The following SLC12A3 variants were observed in gnomAD, a reference collection of about 807,000 sequenced individuals.
The protein encoded by SLC12A3 is Na-Cl cotransporter.
SLC12A3 carries 104 observed loss-of-function variants against 121.0 expected under a neutral mutation model. The ratio of observed to expected loss-of-function variants is 0.86; its 90% CI spans 0.73 to 1.01. The LOEUF (loss-of-function observed/expected upper bound fraction) is 1.01. Among genes scored for constraint, SLC12A3 ranks in the 50% least tolerant of loss-of-function variants. SLC12A3 has a pLI of 0.00. For synonymous variants in SLC12A3, 536 were observed against 533.4 expected (o/e 1.00, Z -0.07); for missense variants, 1,328 against 1,356.3 (o/e 0.98, Z 0.33).
intron 25 of SLC12A3, chr16:56,906,885 A>G (rs1352010849): frequency 1.7e-6 from 1 of 572,532 alleles, no homozygotes; most frequent in African/African-American, 1.9e-5. Flanking sequence ...GAAGGAAGTT[A>G]AGGGGACTGT....
Position 56,913,458 on chromosome 16 carries a change from A to G in SLC12A3, c.*53A>G, listed in dbSNP as rs1388199048. 7.0e-5 allele frequency: 110 copies of G among 1,570,978 alleles called. No individual in the cohort carries two copies. The highest frequency in any genetic ancestry group is 9.3e-5 in the Non-Finnish European group (106 of 1,140,836). ...GCTCTGAGTGTGTGGGATAAGTTGG[A>G]ACTTGATTGCCTCTAGTCCACAGGG... On this transcript the variant is annotated 3_prime_UTR_variant, in exon 26 of 26. Coordinates refer to ENST00000563236, the MANE Select transcript of SLC12A3 (RefSeq NM_001126108.2).
chr16:56,878,400 C>T (rs2055193874), intron 9 of SLC12A3, among the ~76,000 whole-genome samples: 1 of 152,100 alleles, frequency 6.6e-6, no homozygotes, highest in Admixed American at 6.5e-5. Flanking sequence ...TCAGACCAGG[C>T]TCCTTGGGTC....
chr16:56,902,248 T>G, intron 23 of SLC12A3, 125 bp from the exon 24 acceptor site: 1 of 1,203,506 alleles, frequency 8.3e-7, no homozygotes. Flanking sequence ...TAAATGGCAG[T>G]GTCCGATGGG....
intron 12 of SLC12A3, among the ~76,000 whole-genome samples, chr16:56,881,054 A>G (rs1415993331): frequency 6.6e-6 from 1 of 152,230 alleles, no homozygotes; most frequent in African/African-American, 2.4e-5. Flanking sequence ...ACTCGCGAGG[A>G]GAGAGGTGGC....
rs534168507 is a variant in SLC12A3 at position 56,872,658 on chromosome 16, G to A, written c.967G>A (p.Asp323Asn). The change falls in exon 8 of 26, where the codon GAC (aspartate) becomes AAC (asparagine). Residue 323 changes from aspartate to asparagine, a missense_variant and splice_region_variant. Transcript: ENST00000563236. ...ASKGFFSYRA[D>N]IFVQNLVPDW... ...CTCATCAGGCCTTGCTTTTCCAGCG[G>A]ACATTTTTGTCCAGAACTTGGTGCC... is the stretch of plus-strand genomic sequence containing the variant. 4 of 1,614,260 alleles carry A rather than the reference G, an allele frequency of 2.5e-6. No homozygotes were observed. The East Asian group carries it at 8.9e-5, about 36-fold the overall frequency.
intron 18 of SLC12A3, among the ~76,000 whole-genome samples, chr16:56,889,161 C>T (rs1371900874): frequency 2.6e-5 from 4 of 151,260 alleles, no homozygotes; most frequent in Non-Finnish European, 5.9e-5. Context: ...GGTTGGGGCC[C>T]TGAGACCTGC....
intron 23 of SLC12A3, 73 bp from the exon 24 acceptor site, chr16:56,902,300 C>T: frequency 6.3e-7 from 1 of 1,599,930 alleles, no homozygotes. Context: ...CTGCCAGCTC[C>T]CCGCAGGGAC....
At position 56,881,589 on chromosome 16, in the gene SLC12A3, C is replaced by T. The variant is rs748172387; in HGVS notation, c.1568-807C>T. ...TTTTGGGATCCCCAGAAGCAGGCCC[C>T]GAGACAAGGATTAATATGTAAAAGT... On this transcript the variant is annotated intron_variant, in intron 12 of 25. Coordinates refer to ENST00000563236, the MANE Select transcript of SLC12A3 (RefSeq NM_001126108.2). 5.9e-5 allele frequency among the ~76,000 whole-genome samples: 9 copies of T among 151,994 alleles called. No individual in the cohort carries two copies. The East Asian group carries it at 1.2e-3, about 20-fold the overall frequency.
chr16:56,868,512 C>T (rs1317130320), intron 3 of SLC12A3, 140 bp downstream of exon 3: 2 of 838,760 alleles, frequency 2.4e-6, no homozygotes, highest in African/African-American at 1.7e-5. Context: ...AGGCCTTCTC[C>T]TCCCTGGTTC....
intron 23 of SLC12A3, 25 bp from the exon 24 acceptor site, chr16:56,902,348 C>G (rs773527231): frequency 6.2e-7 from 1 of 1,614,036 alleles, no homozygotes; most frequent in South Asian, 1.1e-5. Flanking sequence ...TCTCAGCCGG[C>G]CTCAACCCAC....
chr16:56,888,038 C>T lies in SLC12A3; in HGVS notation c.2285+7C>T, dbSNP rs774342870. On this transcript the variant is annotated splice_region_variant and intron_variant, in intron 18 of 25. Coordinates refer to ENST00000563236, the MANE Select transcript of SLC12A3 (RefSeq NM_001126108.2). Reference sequence around the variant, plus strand: ...ACTACATTGGCATCCTCCAGTGAGTCGGGGGAGAGGAAGGGGCTTGGGGTC... The same window carrying T: ...ACTACATTGGCATCCTCCAGTGAGTTGGGGGAGAGGAAGGGGCTTGGGGTC... 2.1e-5 allele frequency: 33 copies of T among 1,598,762 alleles called. No homozygotes were observed. The highest frequency in any genetic ancestry group is 9.4e-5 in the African/African-American group (7 of 74,546).
At chr16:56,910,096 A>T (rs1340839496) in intron 25 of SLC12A3, among the ~76,000 whole-genome samples, 1 of 152,214 alleles carries the variant, frequency 6.6e-6, no homozygotes, top group Non-Finnish European at 1.5e-5. Flanking sequence ...AGCAGCAATA[A>T]TCAAAATAGT....
chr16:56,869,266 C>T (rs972562479), intron 3 of SLC12A3, among the ~76,000 whole-genome samples: 2 of 152,190 alleles, frequency 1.3e-5, no homozygotes, highest in Non-Finnish European at 2.9e-5. Context: ...CCATACCTAA[C>T]AATCCAATAA....
intron 25 of SLC12A3, among the ~76,000 whole-genome samples, chr16:56,909,183 GCATAGTGGCT>G (rs1237186212): frequency 1.3e-5 from 2 of 152,048 alleles, no homozygotes; most frequent in Non-Finnish European, 2.9e-5. Flanking sequence ...TCTCAGCTGG[GCATAGTGGCT>G]CATGCCTGTA....
chr16:56,885,834 C>T (rs571239925), intron 15 of SLC12A3, among the ~76,000 whole-genome samples: 13 of 152,338 alleles, frequency 8.5e-5, no homozygotes, highest in African/African-American at 3.1e-4. Flanking sequence ...CACAGCCTTA[C>T]AAGAACCGGC....
chr16:56,890,455 C>T lies in SLC12A3; in HGVS notation c.2368+99C>T. 8.8e-6 allele frequency: 9 copies of T among 1,025,376 alleles called. No individual in the cohort carries two copies. The South Asian group carries it at 1.2e-4, about 14-fold the overall frequency. 63.5% of individuals were successfully genotyped at this position (1,025,376 alleles called of 1,614,324 possible). On this transcript the variant is annotated intron_variant, in intron 19 of 25. Coordinates refer to ENST00000563236, the MANE Select transcript of SLC12A3 (RefSeq NM_001126108.2). ...TGAGTAAGAAATAAAAGGTTACAGA[C>T]TCATAGAAAGTCGCCTCTTAATGGT...
chr16:56,889,979 G>C (rs191986909), intron 18 of SLC12A3, among the ~76,000 whole-genome samples: 1 of 152,308 alleles, frequency 6.6e-6, no homozygotes, highest in Non-Finnish European at 1.5e-5. Flanking sequence ...ACCTCCATGG[G>C]CAGAGTTGAG....
At chr16:56,874,105 C>A (rs573323470) in intron 8 of SLC12A3, among the ~76,000 whole-genome samples, 1 of 152,226 alleles carries the variant, frequency 6.6e-6, no homozygotes, top group Admixed American at 6.5e-5. Flanking sequence ...GGGCCAAACG[C>A]GTATCTGTTG....
intron 12 of SLC12A3, 21 bp downstream of exon 12, chr16:56,880,274 A>T: frequency 6.4e-7 from 1 of 1,565,774 alleles, no homozygotes; most frequent in Non-Finnish European, 8.7e-7. Flanking sequence ...GCCAGGGCTC[A>T]CAGGGCCTGG....
Sources: allele counts gnomAD v4.1 joint callset (sites outside exome capture counted in the v4.1 genomes callset), GRCh38; gene constraint gnomAD v4.1.1; transcripts MANE v1.5; gene names NCBI Gene and HGNC (gene_info 2026-07-23, HGNC 2026-07-21).